Variants in ADAMTSL1 observed in about 807,000 individuals in gnomAD.
ADAMTSL1 encodes ADAMTS-like protein 1.
A neutral mutation model predicts 201.8 loss-of-function variants in ADAMTSL1; 126 were observed. That is an observed-to-expected ratio of 0.62 (90% CI 0.54 to 0.72). The LOEUF is 0.72. ADAMTSL1 is among the 30% of genes least tolerant of loss of function. The probability of loss-of-function intolerance (pLI) is 0.00; values close to 1 mark genes in which losing one functional copy is unlikely to be tolerated. For missense variants in ADAMTSL1, 2,679 were observed against 2,277.8 expected (o/e 1.18, Z -3.59); for synonymous variants, 1,121 against 903.4 (o/e 1.24, Z -4.32).
At chr9:18,072,568 T>G (rs1823016971) in intron 1 of ADAMTSL1, among the ~76,000 whole-genome samples, 1 of 152,226 alleles carries the variant, frequency 6.6e-6, no homozygotes, top group Non-Finnish European at 1.5e-5. Context: ...GTTTTTAAAG[T>G]AGAGAATGTT....
At chr9:18,391,042 CCTT>C (rs1838023726) in intron 2 of ADAMTSL1, among the ~76,000 whole-genome samples, 2 of 152,052 alleles carry the variant, frequency 1.3e-5, no homozygotes, top group Non-Finnish European at 1.5e-5. Flanking sequence ...CTACAGGAGC[CCTT>C]CTTCTTGGCA....
chr9:18,178,533 A>T (rs1362608302), intron 2 of ADAMTSL1, among the ~76,000 whole-genome samples: 2 of 152,114 alleles, frequency 1.3e-5, no homozygotes, highest in Admixed American at 1.3e-4. Context: ...CCACAGCTCA[A>T]GGAGGCCTGC....
upstream of ADAMTSL1, among the ~76,000 whole-genome samples, chr9:18,473,399 A>C (rs979026189): frequency 6.6e-6 from 1 of 152,186 alleles, no homozygotes; most frequent in African/African-American, 2.4e-5. Flanking sequence ...GGGGGATCTA[A>C]GTTTCTAATT....
chr9:18,398,581 C>T (rs771253885), intron 2 of ADAMTSL1, among the ~76,000 whole-genome samples: 2 of 152,148 alleles, frequency 1.3e-5, no homozygotes, highest in African/African-American at 2.4e-5. Flanking sequence ...CAACTTTTTA[C>T]AATTATTTTC....
chr9:17,990,188 A>G (rs1036848558), intron 1 of ADAMTSL1, among the ~76,000 whole-genome samples: 1 of 152,056 alleles, frequency 6.6e-6, no homozygotes, highest in Non-Finnish European at 1.5e-5. Flanking sequence ...GGTTTCTCAC[A>G]TGGCACAGAG....
chr9:18,462,364 G>A (rs991685050), intron 2 of ADAMTSL1, among the ~76,000 whole-genome samples: 1 of 152,162 alleles, frequency 6.6e-6, no homozygotes, highest in Non-Finnish European at 1.5e-5. Flanking sequence ...TATGTGCTGA[G>A]CCCTATGCTA....
At chr9:18,259,312 C>T (rs1831821100) in intron 2 of ADAMTSL1, among the ~76,000 whole-genome samples, 1 of 151,998 alleles carries the variant, frequency 6.6e-6, no homozygotes, top group African/African-American at 2.4e-5. Context: ...ACCACTTGAA[C>T]CCAGGAGTTT....
intron 13 of ADAMTSL1, among the ~76,000 whole-genome samples, chr9:18,702,671 T>C (rs1158347613): frequency 6.6e-6 from 1 of 152,196 alleles, no homozygotes; most frequent in Non-Finnish European, 1.5e-5. Flanking sequence ...ACAGAATTCA[T>C]ATCAGTTACT....
chr9:18,349,496 C>T (rs1171949288), intron 2 of ADAMTSL1, among the ~76,000 whole-genome samples: 1 of 152,106 alleles, frequency 6.6e-6, no homozygotes, highest in Non-Finnish European at 1.5e-5. Flanking sequence ...CTTTGGTTAT[C>T]TATTTTATTA....
chr9:18,527,188 A>G (rs558670466), intron 2 of ADAMTSL1, among the ~76,000 whole-genome samples: 4 of 152,322 alleles, frequency 2.6e-5, no homozygotes, highest in South Asian at 4.1e-4. Context: ...ATTCTTTGCC[A>G]TAAGTCCGTA....
At chr9:18,298,739 A>G (rs1833575372) in intron 2 of ADAMTSL1, among the ~76,000 whole-genome samples, 1 of 152,010 alleles carries the variant, frequency 6.6e-6, no homozygotes, top group Non-Finnish European at 1.5e-5. Flanking sequence ...AAGAACAATA[A>G]TAGGCCGGGC....
At chr9:18,778,867 A>C (rs1173448856) in intron 19 of ADAMTSL1, among the ~76,000 whole-genome samples, 1 of 152,234 alleles carries the variant, frequency 6.6e-6, no homozygotes, top group Non-Finnish European at 1.5e-5. Context: ...CACTTTAAAG[A>C]ATCACGGAAT....
chr9:17,948,932 A>G (rs938394240), intron 1 of ADAMTSL1, among the ~76,000 whole-genome samples: 1 of 152,210 alleles, frequency 6.6e-6, no homozygotes, highest in Non-Finnish European at 1.5e-5. Context: ...CTCCCTTTAC[A>G]TGGGAAGAAA....
At chr9:18,453,027 G>A (rs902813489) in intron 2 of ADAMTSL1, among the ~76,000 whole-genome samples, 1 of 152,212 alleles carries the variant, frequency 6.6e-6, no homozygotes, top group East Asian at 1.9e-4. Context: ...ACAAGTTTCT[G>A]CCTGAGCCCC....
intron 1 of ADAMTSL1, among the ~76,000 whole-genome samples, chr9:18,059,110 CCA>C (rs1389839565): frequency 2.6e-5 from 4 of 152,144 alleles, no homozygotes; most frequent in African/African-American, 9.7e-5. Flanking sequence ...CCAAATATCC[CCA>C]GTTTTCCATC....
chr9:18,827,547 C>A (rs920034571), intron 22 of ADAMTSL1, among the ~76,000 whole-genome samples: 1 of 152,174 alleles, frequency 6.6e-6, no homozygotes, highest in Non-Finnish European at 1.5e-5. Context: ...ATTTGTTTTG[C>A]GCTGGGTTTC....
intron 7 of ADAMTSL1, 147 bp from the exon 8 acceptor site, chr9:18,657,492 G>A: frequency 4.9e-6 from 3 of 607,020 alleles, no homozygotes; most frequent in Admixed American, 2.7e-5. Flanking sequence ...TAGGATACAT[G>A]ATACTGCCAT....
At chr9:18,769,845 A>T (rs1017582146) in intron 16 of ADAMTSL1, among the ~76,000 whole-genome samples, 2 of 152,080 alleles carry the variant, frequency 1.3e-5, no homozygotes, top group Non-Finnish European at 2.9e-5. Flanking sequence ...AAAGCTGGGG[A>T]CTCCTTTGCT....
At chr9:17,928,807 G>C (rs577872754) in intron 1 of ADAMTSL1, among the ~76,000 whole-genome samples, 1 of 152,234 alleles carries the variant, frequency 6.6e-6, no homozygotes, top group South Asian at 2.1e-4. Context: ...TGTGAAAGGA[G>C]GTCAAATGTG....
Sources: gnomAD v4.1 joint callset for allele counts (sites outside exome capture counted in the v4.1 genomes callset) on GRCh38, gnomAD v4.1.1 for gene constraint, MANE v1.5 for transcripts, NCBI Gene and HGNC (gene_info 2026-07-23, HGNC 2026-07-21) for gene names.